Variants in PCDHGA2 observed in about 807,000 individuals in gnomAD.
PCDHGA2 encodes the protein protocadherin gamma subfamily A, 2.
A neutral mutation model predicts 59.2 loss-of-function variants in PCDHGA2; 40 were observed. The ratio of observed to expected loss-of-function variants is 0.68; its 90% CI spans 0.52 to 0.88. The LOEUF is 0.88. PCDHGA2 is among the 40% of genes least tolerant of loss of function. PCDHGA2 has a pLI of 0.00. For synonymous variants in PCDHGA2, 560 were observed against 526.0 expected, an observed-to-expected ratio of 1.06 and a Z score of -0.89; for missense variants, 1,226 against 1,204.0, an observed-to-expected ratio of 1.02 and a Z score of -0.27.
intron 1 of PCDHGA2, among the ~76,000 whole-genome samples, chr5:141,494,218 T>C (rs1224329242): frequency 1.3e-5 from 2 of 152,222 alleles, no homozygotes; most frequent in South Asian, 2.1e-4. Context: ...CAATCTGGCA[T>C]GACTCCTAAA....
chr5:141,402,319 C>G lies in PCDHGA2; in HGVS notation c.2424+60924C>G, dbSNP rs181180510. On this transcript the variant is annotated intron_variant, in intron 1 of 3. Transcript: ENST00000394576. ...TGTATTAATACAATTATATATTTTA[C>G]ATTTACAAATATATAGGTATAAAAA... Among the ~76,000 whole-genome samples, 14 of 151,934 alleles carry G rather than the reference C, an allele frequency of 9.2e-5. No individual in the cohort carries two copies. In the East Asian group the frequency reaches 2.7e-3, roughly 29 times the overall value.
At position 141,421,727 on chromosome 5, in the gene PCDHGA2, C is replaced by T. The variant is rs779718690; in HGVS notation, c.2425-73080C>T. The T allele has an allele frequency of 4.3e-6, 7 of 1,613,798 alleles. No individual in the cohort carries two copies. In the African/African-American group the frequency reaches 9.3e-5, roughly 22 times the overall value. ...AGGGATCCAGATGTGGGCGTGAACT[C>T]CCTCCAGAGCTACCAGCTCAGCCCT... On this transcript the variant is annotated intron_variant, in intron 1 of 3. Coordinates refer to ENST00000394576, the MANE Select transcript of PCDHGA2 (RefSeq NM_018915.4).
intron 1 of PCDHGA2, chr5:141,441,260 A>G (rs1217151195): frequency 1.3e-5 from 2 of 152,222 alleles, no homozygotes; most frequent in Non-Finnish European, 2.9e-5. Context: ...AAATCACAAG[A>G]TCTGGATTCG....
At chr5:141,344,980 A>T (rs1757500081) in intron 1 of PCDHGA2, 2 of 1,613,920 alleles carry the variant, frequency 1.2e-6, no homozygotes, top group Non-Finnish European at 1.7e-6. Context: ...ATGTTCTATG[A>T]AATTAAAATT....
intron 1 of PCDHGA2, chr5:141,398,688 T>C: frequency 1.2e-6 from 2 of 1,613,938 alleles, no homozygotes; most frequent in South Asian, 2.2e-5. Flanking sequence ...AGAAACAGGA[T>C]GGTAGTAAAT....
At chr5:141,346,150 C>T in intron 1 of PCDHGA2, 1 of 1,613,998 alleles carries the variant, frequency 6.2e-7, no homozygotes. Context: ...GTCTTCCTGG[C>T]CTTCGTCATC....
At chr5:141,496,759 C>T (rs1287940646) in intron 2 of PCDHGA2, among the ~76,000 whole-genome samples, 2 of 152,038 alleles carry the variant, frequency 1.3e-5, no homozygotes, top group South Asian at 4.2e-4. Context: ...AAATATTTAT[C>T]GAGCATCTAC....
At chr5:141,444,692 T>G (rs531452351) in intron 1 of PCDHGA2, among the ~76,000 whole-genome samples, 1 of 152,360 alleles carries the variant, frequency 6.6e-6, no homozygotes, top group South Asian at 2.1e-4. Context: ...TTAAAAATAT[T>G]TTCCTCTTTC....
At chr5:141,417,456 G>A (rs1354162154) in intron 1 of PCDHGA2, 1 of 177,626 alleles carries the variant, frequency 5.6e-6, no homozygotes, top group Non-Finnish European at 1.2e-5. Context: ...TTATGACCAA[G>A]TGGAAATATA....
At chr5:141,444,002 C>T (rs2098413409) in intron 1 of PCDHGA2, among the ~76,000 whole-genome samples, 1 of 151,918 alleles carries the variant, frequency 6.6e-6, no homozygotes, top group African/African-American at 2.4e-5. Flanking sequence ...TAAATGCTAC[C>T]TGGGTATTGG....
intron 1 of PCDHGA2, among the ~76,000 whole-genome samples, chr5:141,436,923 T>C (rs2097854286): frequency 6.6e-6 from 1 of 152,224 alleles, no homozygotes; most frequent in African/African-American, 2.4e-5. Flanking sequence ...GAGTGTTACT[T>C]TTTCTTTGTC....
Position 141,476,019 on chromosome 5 carries a change from C to T in PCDHGA2, c.2425-18788C>T, listed in dbSNP as rs964061075. The T allele has an allele frequency of 3.9e-5, 54 of 1,390,282 alleles. 1 individual carries two copies. Among genetic ancestry groups the T allele is most frequent in the Non-Finnish European group, 4.9e-5 (51 of 1,034,212 alleles). 86.1% of individuals were successfully genotyped at this position (1,390,282 alleles called of 1,614,324 possible). A position where few individuals can be genotyped will look rare whatever the true frequency, so the allele number is the denominator to read the frequency against. Reference sequence around the variant, plus strand: ...ACGGCATCCAGAAAGCCATGTCGGACTCGGCGCCCAGCGCCCAAGCGCTAA... The same window carrying T: ...ACGGCATCCAGAAAGCCATGTCGGATTCGGCGCCCAGCGCCCAAGCGCTAA... On this transcript the variant is annotated intron_variant, in intron 1 of 3. Transcript: ENST00000394576. This position sits in a 1 kb window ranked among gnomAD's most constrained non-coding sequence, Gnocchi z 7.6.
chr5:141,356,705 C>T (rs765106092), intron 1 of PCDHGA2: 1 of 1,614,020 alleles, frequency 6.2e-7, no homozygotes, highest in Non-Finnish European at 8.5e-7. Context: ...GCACCTCTGT[C>T]CTCCTATGTC....
chr5:141,498,713 C>T (rs1216279302), intron 2 of PCDHGA2, among the ~76,000 whole-genome samples: 1 of 152,148 alleles, frequency 6.6e-6, no homozygotes, highest in East Asian at 1.9e-4. Flanking sequence ...GGGTGGATCA[C>T]CTGAGGTCAG....
chr5:141,441,700 T>TCAAG (rs1409793305), intron 1 of PCDHGA2: 1 of 308,660 alleles, frequency 3.2e-6, no homozygotes, highest in African/African-American at 2.3e-5. Context: ...CCGCGAGCCT[T>TCAAG]CAAGCTCACG....
rs774456704 is a variant in PCDHGA2, at chr5:141,390,013, C to T, written c.2424+48618C>T. On this transcript the variant is annotated intron_variant, in intron 1 of 3. Coordinates refer to ENST00000394576, the MANE Select transcript of PCDHGA2 (RefSeq NM_018915.4). ...CTCGTGGCCATGATTCTGGCCATTG[C>T]CTTGCGCCTGCGACGCTCCTCCAGC... 1.3e-4 allele frequency: 202 copies of T among 1,613,936 alleles called. No homozygotes were observed. The highest frequency in any genetic ancestry group is 1.6e-4 in the Non-Finnish European group (192 of 1,179,918).
At chr5:141,468,802 C>G (rs928501013) in intron 1 of PCDHGA2, among the ~76,000 whole-genome samples, 1 of 151,620 alleles carries the variant, frequency 6.6e-6, no homozygotes, top group African/African-American at 2.4e-5. Context: ...GGAGGCGGAA[C>G]TTGCAGTGAG....
At position 141,374,696 on chromosome 5, in the gene PCDHGA2, G is replaced by A. The variant is rs747520978; in HGVS notation, c.2424+33301G>A. 5 of 1,609,314 alleles carry A rather than the reference G, an allele frequency of 3.1e-6. No homozygotes were observed. In the African/African-American group the frequency reaches 6.7e-5, roughly 21 times the overall value. ...GGAGGGCACACTGGACCGGGAAGGA[G>A]AAGCCGTTTACCGCCTGGTCCTTAC... On this transcript the variant is annotated intron_variant, in intron 1 of 3. Coordinates refer to ENST00000394576, the MANE Select transcript of PCDHGA2 (RefSeq NM_018915.4).
chr5:141,350,483 A>C, intron 1 of PCDHGA2: 1 of 1,613,982 alleles, frequency 6.2e-7, no homozygotes. Flanking sequence ...TTTCAACGTT[A>C]GTTTGGAGAG....
Sources: gnomAD v4.1 joint callset for allele counts (sites outside exome capture counted in the v4.1 genomes callset) on GRCh38, gnomAD v4.1.1 for gene constraint, Gnocchi (gnomAD v3.1) non-coding constraint, MANE v1.5 for transcripts, NCBI Gene and HGNC (gene_info 2026-07-23, HGNC 2026-07-21) for gene names.